Variants in CPM observed in about 807,000 individuals in gnomAD.
The protein encoded by CPM is renal carboxypeptidase.
Under a neutral mutation model 46.4 loss-of-function variants are expected in CPM, and 35 were observed. That is an observed-to-expected ratio of 0.75 (90% CI 0.58 to 1.00). The LOEUF (loss-of-function observed/expected upper bound fraction) is 1.00. Ranked by LOEUF, CPM falls within the 50% of genes least tolerant of loss-of-function variation. The probability of loss-of-function intolerance (pLI) is 0.00; values close to 1 mark genes in which losing one functional copy is unlikely to be tolerated. For synonymous variants in CPM, 195 were observed against 195.3 expected, an observed-to-expected ratio of 1.00 and a Z score of 0.01; for missense variants, 422 against 530.4, an observed-to-expected ratio of 0.80 and a Z score of 2.01.
rs1216898182 is a variant in CPM, at chr12:68,918,473, C to A, written c.160+14205G>T. 2.6e-5 allele frequency among the ~76,000 whole-genome samples: 4 copies of A among 152,184 alleles called. No individual in the cohort carries two copies. The East Asian group carries it at 7.7e-4, about 29-fold the overall frequency. On this transcript the variant is annotated intron_variant, in intron 2 of 8. Coordinates refer to ENST00000551568, the MANE Select transcript of CPM (RefSeq NM_198320.5). ...ATGTCTGAATCAGAGCCCTTGATTT[C>A]ATCCCAAATCTGTCCTCTTCCAGTT...
At chr12:68,936,244 T>C (rs959864887), upstream of CPM, among the ~76,000 whole-genome samples, 1 of 152,124 alleles carries the variant, frequency 6.6e-6, no homozygotes, top group Non-Finnish European at 1.5e-5. Flanking sequence ...ATGATGTATA[T>C]GTACATTCAA....
intron 3 of CPM, among the ~76,000 whole-genome samples, chr12:68,879,632 T>C (rs1440640103): frequency 6.6e-6 from 1 of 152,166 alleles, no homozygotes; most frequent in East Asian, 1.9e-4. Context: ...CCCAAAGTGA[T>C]GGGATTATAA....
chr12:68,927,990 T>G, intron 2 of CPM, among the ~76,000 whole-genome samples: 1 of 152,106 alleles, frequency 6.6e-6, no homozygotes, highest in Non-Finnish European at 1.5e-5. Context: ...AAGCCACCAA[T>G]GACTTTCTTC....
chr12:68,848,232 G>C (rs902829401), downstream of CPM: 1 of 152,176 alleles, frequency 6.6e-6, no homozygotes, highest in African/African-American at 2.4e-5. Flanking sequence ...GCCCAGGGTG[G>C]AGTGCAATGG....
chr12:68,876,696 A>C (rs1885965768), intron 3 of CPM, among the ~76,000 whole-genome samples: 1 of 152,190 alleles, frequency 6.6e-6, no homozygotes. Context: ...TTAAAATGGC[A>C]GTCACCCAGA....
chr12:68,908,396 CT>C (rs552096776), intron 2 of CPM, among the ~76,000 whole-genome samples: 6,553 of 140,784 alleles, frequency 0.047, 227 homozygotes, highest in East Asian at 0.14. Context: ...CAGGACACAG[CT>C]TTTTTTTTTT....
intron 2 of CPM, among the ~76,000 whole-genome samples, chr12:68,914,216 A>G (rs1592690187): frequency 1.3e-5 from 2 of 152,382 alleles, no homozygotes; most frequent in Middle Eastern, 6.8e-3. Flanking sequence ...TGCAGCTTAA[A>G]GAGCACAAGG....
chr12:68,924,631 A>T (rs983780599), intron 2 of CPM, among the ~76,000 whole-genome samples: 4 of 152,158 alleles, frequency 2.6e-5, no homozygotes, highest in Admixed American at 2.6e-4. Context: ...AATCACAAAC[A>T]TGTATATTAT....
chr12:68,916,236 G>A (rs1887797992), intron 2 of CPM, among the ~76,000 whole-genome samples: 1 of 152,000 alleles, frequency 6.6e-6, no homozygotes, highest in South Asian at 2.1e-4. Flanking sequence ...ATGCTTGTCA[G>A]TTTCTGTATA....
At chr12:68,962,846 A>C (rs535504115) in intron 1 of CPM, among the ~76,000 whole-genome samples, 2 of 152,354 alleles carry the variant, frequency 1.3e-5, no homozygotes, top group South Asian at 4.1e-4. Flanking sequence ...ATTGATAATA[A>C]CTCTTTCAAC....
chr12:68,955,901 T>A (rs1889009740), intron 1 of CPM, among the ~76,000 whole-genome samples: 1 of 151,966 alleles, frequency 6.6e-6, no homozygotes, highest in Non-Finnish European at 1.5e-5. Context: ...AAGTTCTCAT[T>A]CCAGTCTGCA....
At chr12:68,884,552 C>A (rs1338263489) in intron 3 of CPM, among the ~76,000 whole-genome samples, 3 of 152,188 alleles carry the variant, frequency 2.0e-5, no homozygotes, top group Admixed American at 6.5e-5. Context: ...GCCACCCATA[C>A]TATTGCAAAT....
intron 1 of CPM, among the ~76,000 whole-genome samples, chr12:68,960,090 G>A (rs1173856020): frequency 2.0e-5 from 3 of 152,154 alleles, no homozygotes; most frequent in South Asian, 2.1e-4. Context: ...GTCTAAGTCA[G>A]TAAAAGTCAG....
intron 2 of CPM, among the ~76,000 whole-genome samples, chr12:68,917,804 T>A (rs1887871516): frequency 6.6e-6 from 1 of 152,182 alleles, no homozygotes; most frequent in Non-Finnish European, 1.5e-5. Flanking sequence ...CACGACCAGC[T>A]CCCTTGACCA....
intron 2 of CPM, among the ~76,000 whole-genome samples, chr12:68,932,035 T>A (rs954481572): frequency 6.6e-6 from 1 of 152,216 alleles, no homozygotes; most frequent in Non-Finnish European, 1.5e-5. Context: ...TTATCTAGCA[T>A]TGTCTTCTTC....
Position 68,900,823 on chromosome 12 carries a change from C to T in CPM, c.161-14934G>A, listed in dbSNP as rs975868983. On this transcript the variant is annotated intron_variant, in intron 2 of 8. Coordinates refer to ENST00000551568, the MANE Select transcript of CPM (RefSeq NM_198320.5). The stretch of plus-strand genomic sequence containing the variant: ...CAAGCATATGACATTTTGAAACAGG[C>T]GAAATTATGGAGACAATAAAAAGAT... Among the ~76,000 whole-genome samples, 46 of 152,068 alleles carry T rather than the reference C, an allele frequency of 3.0e-4. 1 individual carries two copies. Among genetic ancestry groups the T allele is most frequent in the Non-Finnish European group, 6.2e-4 (42 of 67,998 alleles).
At position 68,852,345 on chromosome 12, in the gene CPM, T is replaced by C. The variant is rs1281563917; in HGVS notation, c.*4092A>G. The C allele has an allele frequency of 6.6e-6, 1 of 152,142 alleles. No individual in the cohort carries two copies. Among genetic ancestry groups the C allele is most frequent in the African/African-American group, 2.4e-5 (1 of 41,432 alleles). 9.4% of individuals were successfully genotyped at this position (152,142 alleles called of 1,614,324 possible). ...TGAGTAGGTATACTCTTTAAGAAGGTATATTATACTGCCTTCAAAATACTT... is the reference window on the plus strand; with the variant it reads ...TGAGTAGGTATACTCTTTAAGAAGGCATATTATACTGCCTTCAAAATACTT... On this transcript the variant is annotated 3_prime_UTR_variant, in exon 9 of 9. Transcript: ENST00000551568.
intron 1 of CPM, among the ~76,000 whole-genome samples, chr12:68,948,823 C>A (rs1413766409): frequency 6.6e-6 from 1 of 152,156 alleles, no homozygotes; most frequent in Non-Finnish European, 1.5e-5. Context: ...TTTATTGCTG[C>A]CACACAACCC....
At chr12:68,903,088 A>G (rs1379931805) in intron 2 of CPM, among the ~76,000 whole-genome samples, 2 of 152,212 alleles carry the variant, frequency 1.3e-5, no homozygotes, top group Non-Finnish European at 2.9e-5. Flanking sequence ...ACTGCCTACA[A>G]TGTTATTGTT....
Sources: allele counts gnomAD v4.1 joint callset (sites outside exome capture counted in the v4.1 genomes callset), GRCh38; gene constraint gnomAD v4.1.1; transcripts MANE v1.5; gene names NCBI Gene and HGNC (gene_info 2026-07-23, HGNC 2026-07-21).